The following KCNK9 variants were observed in gnomAD, a reference collection of about 807,000 sequenced individuals.
KCNK9 encodes potassium channel subfamily K member 9.
Under a neutral mutation model 10.8 loss-of-function variants are expected in KCNK9, and 1 was observed. That is an observed-to-expected ratio of 0.09 (90% CI 0.03 to 0.44). The LOEUF (loss-of-function observed/expected upper bound fraction) is 0.44. KCNK9 is among the 20% of genes least tolerant of loss of function. KCNK9 has a pLI of 0.97. For synonymous variants in KCNK9, 231 were observed against 222.7 expected, an observed-to-expected ratio of 1.04 and a Z score of -0.33; for missense variants, 303 against 515.0, an observed-to-expected ratio of 0.59 and a Z score of 3.98.
intron 1 of KCNK9, among the ~76,000 whole-genome samples, chr8:139,649,114 C>A (rs180754685): frequency 1.3e-5 from 2 of 152,314 alleles, no homozygotes; most frequent in East Asian, 1.9e-4. Flanking sequence ...CCTCCCACAC[C>A]TTTTATTCCA....
At chr8:139,609,927 A>T (rs1814367059), downstream of KCNK9, among the ~76,000 whole-genome samples, 1 of 152,154 alleles carries the variant, frequency 6.6e-6, no homozygotes, top group African/African-American at 2.4e-5. Flanking sequence ...TCTGTAAGTT[A>T]GAAAACTCAG....
chr8:139,669,997 C>A lies in KCNK9; in HGVS notation c.283+32713G>T, dbSNP rs758341870. Among the ~76,000 whole-genome samples the A allele has an allele frequency of 4.6e-5, 7 of 152,196 alleles. 1 individual carries two copies. Among genetic ancestry groups the A allele is most frequent in the South Asian group, 4.1e-4 (2 of 4,830 alleles). ...GGGTGACAGGTGCATTGTCAATGAGCAGTCATATTTTGAAAGGAATCTCTT... is the reference window on the plus strand; with the variant it reads ...GGGTGACAGGTGCATTGTCAATGAGAAGTCATATTTTGAAAGGAATCTCTT... On this transcript the variant is annotated intron_variant, in intron 1 of 1. Transcript: ENST00000520439.
intron 1 of KCNK9, among the ~76,000 whole-genome samples, chr8:139,630,785 G>A (rs1815143011): frequency 6.6e-6 from 1 of 152,246 alleles, no homozygotes. Context: ...GGTGGGTGGA[G>A]AAGGCTGCGG....
At chr8:139,610,688 C>T (rs1006284461), downstream of KCNK9, among the ~76,000 whole-genome samples, 1 of 152,218 alleles carries the variant, frequency 6.6e-6, no homozygotes, top group Non-Finnish European at 1.5e-5. Context: ...GGAGGGACAT[C>T]TAGATGGATA....
At chr8:139,638,817 C>A (rs1374902603) in intron 1 of KCNK9, among the ~76,000 whole-genome samples, 1 of 152,230 alleles carries the variant, frequency 6.6e-6, no homozygotes, top group Non-Finnish European at 1.5e-5. Context: ...CCGGCCCAAA[C>A]ACATGATACA....
At chr8:139,644,864 C>T (rs1224376335) in intron 1 of KCNK9, among the ~76,000 whole-genome samples, 4 of 152,174 alleles carry the variant, frequency 2.6e-5, no homozygotes, top group South Asian at 2.1e-4. Flanking sequence ...AGCCCTGCCT[C>T]CCCCGCGGAG....
chr8:139,629,754 G>T (rs1815102289), intron 1 of KCNK9, among the ~76,000 whole-genome samples: 1 of 152,158 alleles, frequency 6.6e-6, no homozygotes, highest in Non-Finnish European at 1.5e-5. Context: ...TCCCCAGATG[G>T]TGCAGAGAGA....
intron 1 of KCNK9, among the ~76,000 whole-genome samples, chr8:139,699,676 T>C (rs1184108470): frequency 6.6e-6 from 1 of 152,210 alleles, no homozygotes; most frequent in Non-Finnish European, 1.5e-5. Context: ...GTTATGACAA[T>C]GGTCACTGTG....
chr8:139,652,275 A>C (rs570347744), intron 1 of KCNK9, among the ~76,000 whole-genome samples: 1 of 152,304 alleles, frequency 6.6e-6, no homozygotes, highest in East Asian at 1.9e-4. Context: ...AACCACCCTG[A>C]ATCCCACACA....
chr8:139,615,242 A>G (rs112966082), downstream of KCNK9, among the ~76,000 whole-genome samples: 3,425 of 150,998 alleles, frequency 0.023, 124 homozygotes, highest in African/African-American at 0.078. Flanking sequence ...TGACCTCTAG[A>G]TAAGTGTTCG....
chr8:139,649,006 A>G (rs1419182720), intron 1 of KCNK9, among the ~76,000 whole-genome samples: 1 of 152,168 alleles, frequency 6.6e-6, no homozygotes, highest in Non-Finnish European at 1.5e-5. Flanking sequence ...CATTTCTATG[A>G]ACACTCTTTC....
At chr8:139,670,955 G>T (rs950460817) in intron 1 of KCNK9, among the ~76,000 whole-genome samples, 1 of 152,130 alleles carries the variant, frequency 6.6e-6, no homozygotes, top group Non-Finnish European at 1.5e-5. Context: ...GGCCTGTGAC[G>T]CGCACCTGCA....
chr8:139,641,881 G>A (rs1422709303), intron 1 of KCNK9, among the ~76,000 whole-genome samples: 3 of 152,168 alleles, frequency 2.0e-5, no homozygotes, highest in Non-Finnish European at 4.4e-5. Context: ...AGCACTCAGG[G>A]AGTAGTCACT....
intron 1 of KCNK9, among the ~76,000 whole-genome samples, chr8:139,680,593 A>C (rs947909804): frequency 3.9e-5 from 6 of 152,046 alleles, no homozygotes; most frequent in African/African-American, 1.5e-4. Context: ...GCCCCATGCA[A>C]ACCCACCACC....
rs566324380 is a variant in KCNK9, at chr8:139,640,312, C to T, written c.284-21213G>A. 1.6e-3 allele frequency among the ~76,000 whole-genome samples: 243 copies of T among 152,360 alleles called. 1 individual carries two copies. The highest frequency in any genetic ancestry group is 2.9e-3 in the Non-Finnish European group (198 of 68,036). On this transcript the variant is annotated intron_variant, in intron 1 of 1. Transcript: ENST00000520439. ...TCTGCCACCAGACTTACCTGCCTCT[C>T]ATCCTACCCCAAAATACCTCCTGAG...
intron 1 of KCNK9, among the ~76,000 whole-genome samples, chr8:139,696,593 C>A (rs999449836): frequency 6.6e-6 from 1 of 151,754 alleles, no homozygotes; most frequent in Non-Finnish European, 1.5e-5. Context: ...GAAATCCGTC[C>A]AATAAGCAAG....
chr8:139,613,764 C>CA (rs930429849), downstream of KCNK9, among the ~76,000 whole-genome samples: 10 of 152,342 alleles, frequency 6.6e-5, no homozygotes, highest in Admixed American at 5.2e-4. Context: ...ATCCTGTCCT[C>CA]ATCTACGGTG....
At chr8:139,698,272 C>A (rs1817115879) in intron 1 of KCNK9, among the ~76,000 whole-genome samples, 1 of 152,200 alleles carries the variant, frequency 6.6e-6, no homozygotes, top group East Asian at 1.9e-4. Flanking sequence ...CCTCTGGCAC[C>A]AGCCTGTGGG....
intron 1 of KCNK9, among the ~76,000 whole-genome samples, chr8:139,691,453 G>C (rs377738920): frequency 1.3e-5 from 2 of 152,172 alleles, no homozygotes; most frequent in African/African-American, 4.8e-5. Flanking sequence ...ACCCCTGCTT[G>C]TACAGTTGTT....
Sources: allele counts gnomAD v4.1 joint callset (sites outside exome capture counted in the v4.1 genomes callset), GRCh38; gene constraint gnomAD v4.1.1; transcripts MANE v1.5; gene names NCBI Gene and HGNC (gene_info 2026-07-23, HGNC 2026-07-21).